The following UQCRB variants were observed in gnomAD, a reference collection of about 807,000 sequenced individuals.
UQCRB encodes the protein cytochrome b-c1 complex subunit 7.
UQCRB carries 12 observed loss-of-function variants against 19.8 expected under a neutral mutation model. The observed-to-expected ratio is 0.61, with a 90% CI of 0.39 to 0.98. The LOEUF is 0.98. Ranked by LOEUF, UQCRB falls within the 50% of genes least tolerant of loss-of-function variation. The pLI is 0.00. For synonymous variants in UQCRB, 39 were observed against 42.9 expected (o/e 0.91, Z 0.35); for missense variants, 142 against 131.8 (o/e 1.08, Z -0.38).
In UQCRB at chr8:96,228,357, A is replaced by G. The variant is rs1314927541; in HGVS notation, c.*2698T>C. On this transcript the variant is annotated 3_prime_UTR_variant, in exon 4 of 4. Transcript: ENST00000287022. ...CACCCATCCAAAACACAAAACAGGG[A>G]GATAGCCAAGTCTTAGCTCCATCCT... The G allele has an allele frequency of 2.2e-6, 1 of 454,006 alleles. No individual in the cohort carries two copies. The highest frequency in any genetic ancestry group is 4.4e-6 in the Non-Finnish European group (1 of 226,782). The allele number at this position is 454,006 out of a possible 1,614,324, so 28.1% of individuals were successfully genotyped here. A position where few individuals can be genotyped will look rare whatever the true frequency, so the allele number is the denominator to read the frequency against.
At chr8:96,235,268 T>C in intron 1 of UQCRB, 2 of 615,332 alleles carry the variant, frequency 3.3e-6, no homozygotes, top group East Asian at 2.8e-5. Flanking sequence ...ACTCCAGGGC[T>C]GTCAGAGCCA....
At position 96,227,431 on chromosome 8, in the gene UQCRB, C is replaced by A; in HGVS notation, c.*3624G>T. 1 of 454,118 alleles carries A rather than the reference C, an allele frequency of 2.2e-6. No homozygotes were observed. Among genetic ancestry groups the A allele is most frequent in the South Asian group, 1.6e-5 (1 of 64,480 alleles). The allele number at this position is 454,118 out of a possible 1,614,324, so 28.1% of individuals were successfully genotyped here. A position where few individuals can be genotyped will look rare whatever the true frequency, so the allele number is the denominator to read the frequency against. ...GCATCGCCACCTAGTGGCAGAATTTCATGCCTTGTTCTAATAAAGGGATTT... is the reference window on the plus strand; with the variant it reads ...GCATCGCCACCTAGTGGCAGAATTTAATGCCTTGTTCTAATAAAGGGATTT... On this transcript the variant is annotated 3_prime_UTR_variant, in exon 4 of 4. Coordinates refer to ENST00000287022, the MANE Select transcript of UQCRB (RefSeq NM_006294.5).
At position 96,230,719 on chromosome 8, in the gene UQCRB, T is replaced by C. The variant is rs1563537007; in HGVS notation, c.*336A>G. 2.0e-6 allele frequency: 1 copy of C among 492,410 alleles called. No individual in the cohort carries two copies. Among genetic ancestry groups the C allele is most frequent in the Admixed American group, 2.3e-5 (1 of 43,722 alleles). The allele number at this position is 492,410 out of a possible 1,614,324, so 30.5% of individuals were successfully genotyped here. A position where few individuals can be genotyped will look rare whatever the true frequency, so the allele number is the denominator to read the frequency against. On this transcript the variant is annotated 3_prime_UTR_variant, in exon 4 of 4. Coordinates refer to ENST00000287022, the MANE Select transcript of UQCRB (RefSeq NM_006294.5). ...ACTAGGGGGTGCATACCCCCTTCTT[T>C]TATTCAGTAGCTTCCATAAGGATGT...
In UQCRB at chr8:96,228,233, T is replaced by C. The variant is rs543284287; in HGVS notation, c.*2822A>G. On this transcript the variant is annotated 3_prime_UTR_variant, in exon 4 of 4. Transcript: ENST00000287022. ...TTCAAGATGTAGGAAAACTGTATAT[T>C]CAAAACCAATCTCAAACTTTAAACA... 1.8e-3 allele frequency: 801 copies of C among 454,082 alleles called. 2 individuals carry two copies. The highest frequency in any genetic ancestry group is 2.8e-3 in the Non-Finnish European group (642 of 226,768). The allele number at this position is 454,082 out of a possible 1,614,324, so 28.1% of individuals were successfully genotyped here. A position where few individuals can be genotyped will look rare whatever the true frequency, so the allele number is the denominator to read the frequency against.
rs2129781402 is a variant in UQCRB at position 96,227,941 on chromosome 8, A to G, written c.*3114T>C. The G allele has an allele frequency of 2.2e-6, 1 of 454,160 alleles. No homozygotes were observed. Among genetic ancestry groups the G allele is most frequent in the African/African-American group, 2.0e-5 (1 of 50,148 alleles). The allele number at this position is 454,160 out of a possible 1,614,324, so 28.1% of individuals were successfully genotyped here. A position where few individuals can be genotyped will look rare whatever the true frequency, so the allele number is the denominator to read the frequency against. ...TTTGGTACCACTCGTAGAGCGTCAC[A>G]TAAATATTCAGACCATGATAACTCA... On this transcript the variant is annotated 3_prime_UTR_variant, in exon 4 of 4. Coordinates refer to ENST00000287022, the MANE Select transcript of UQCRB (RefSeq NM_006294.5).
In UQCRB at chr8:96,223,792, C is replaced by G. The variant is rs1364818770; in HGVS notation, c.*7263G>C. Among the ~76,000 whole-genome samples the G allele has an allele frequency of 6.6e-6, 1 of 152,182 alleles. No homozygotes were observed. Among genetic ancestry groups the G allele is most frequent in the East Asian group, 1.9e-4 (1 of 5,190 alleles). ...GAGAACACAATGTTTTCAGAATGGA[C>G]AAACCTTCTGTTTTCTATCATATGG... On this transcript the variant is annotated 3_prime_UTR_variant, in exon 4 of 4. Transcript: ENST00000287022.
intron 3 of UQCRB, chr8:96,231,453 A>G: frequency 1.3e-6 from 2 of 1,535,698 alleles, no homozygotes; most frequent in South Asian, 2.4e-5. Context: ...CTGGAGGGAC[A>G]CTCAATGGGC....
rs1445833120 is a variant in UQCRB at position 96,229,284 on chromosome 8, T to A, written c.*1771A>T. On this transcript the variant is annotated 3_prime_UTR_variant, in exon 4 of 4. Coordinates refer to ENST00000287022, the MANE Select transcript of UQCRB (RefSeq NM_006294.5). ...CCTGGGGGTTCCTGTTATACCTCAG[T>A]CTTGGTCAGTTCTATTTGTTCCCCT... 2.2e-6 allele frequency: 1 copy of A among 453,974 alleles called. No homozygotes were observed. Among genetic ancestry groups the A allele is most frequent in the African/African-American group, 2.0e-5 (1 of 49,998 alleles). 28.1% of individuals were successfully genotyped at this position (453,974 alleles called of 1,614,324 possible).
rs1450781972 is a variant in UQCRB at position 96,227,089 on chromosome 8, A to G, written c.*3966T>C. 8.8e-6 allele frequency: 4 copies of G among 453,480 alleles called. No homozygotes were observed. The East Asian group carries it at 2.8e-4, about 31-fold the overall frequency. The allele number at this position is 453,480 out of a possible 1,614,324, so 28.1% of individuals were successfully genotyped here. A position where few individuals can be genotyped will look rare whatever the true frequency, so the allele number is the denominator to read the frequency against. On this transcript the variant is annotated 3_prime_UTR_variant, in exon 4 of 4. Coordinates refer to ENST00000287022, the MANE Select transcript of UQCRB (RefSeq NM_006294.5). ...AAACATTTAAAATATTTTAACATCT[A>G]TAGACTTTATTAGGTGTTCCTTATA...
Position 96,230,166 on chromosome 8 carries a change from C to T in UQCRB, c.*889G>A. ...TCTAGGCTCACTGCAACCTCCACCT[C>T]CTGGGGTCAAGCAATTCTCCTCCCT... On this transcript the variant is annotated 3_prime_UTR_variant, in exon 4 of 4. Transcript: ENST00000287022. 2.2e-6 allele frequency: 1 copy of T among 453,344 alleles called. No individual in the cohort carries two copies. Among genetic ancestry groups the T allele is most frequent in the East Asian group, 7.0e-5 (1 of 14,388 alleles). The allele number at this position is 453,344 out of a possible 1,614,324, so 28.1% of individuals were successfully genotyped here.
chr8:96,234,575 C>T, intron 1 of UQCRB: 1 of 1,181,112 alleles, frequency 8.5e-7, no homozygotes, highest in Non-Finnish European at 1.1e-6. Flanking sequence ...AAAGTCTCCC[C>T]CACCCCCAAA....
At position 96,229,613 on chromosome 8, in the gene UQCRB, T is replaced by C. The variant is rs550916154; in HGVS notation, c.*1442A>G. 8.6e-5 allele frequency: 39 copies of C among 454,024 alleles called. No homozygotes were observed. The highest frequency in any genetic ancestry group is 6.8e-4 in the Middle Eastern group (1 of 1,466). The allele number at this position is 454,024 out of a possible 1,614,324, so 28.1% of individuals were successfully genotyped here. On this transcript the variant is annotated 3_prime_UTR_variant, in exon 4 of 4. Coordinates refer to ENST00000287022, the MANE Select transcript of UQCRB (RefSeq NM_006294.5). ...AGGGGGTTCTAGACAGCCCATCTTCTTGGCCTCCTTCTGCAAAGTAGGACT... is the reference window on the plus strand; with the variant it reads ...AGGGGGTTCTAGACAGCCCATCTTCCTGGCCTCCTTCTGCAAAGTAGGACT...
At position 96,224,699 on chromosome 8, in the gene UQCRB, T is replaced by A. The variant is rs923483089; in HGVS notation, c.*6356A>T. Among the ~76,000 whole-genome samples, 8 of 152,214 alleles carry A rather than the reference T, an allele frequency of 5.3e-5. No homozygotes were observed. Among genetic ancestry groups the A allele is most frequent in the Non-Finnish European group, 1.2e-4 (8 of 68,028 alleles). The stretch of plus-strand genomic sequence containing the variant: ...ATCCAGTCAGGCCAACTGGACTTCT[T>A]AGTATCTCTCAAAAATATACTCTGC... On this transcript the variant is annotated 3_prime_UTR_variant, in exon 4 of 4. Transcript: ENST00000287022.
intron 1 of UQCRB, 66 bp downstream of exon 1, chr8:96,235,446 C>A (rs1809788212): frequency 1.9e-6 from 3 of 1,611,694 alleles, no homozygotes; most frequent in Non-Finnish European, 2.5e-6. Flanking sequence ...GAAAACGGAG[C>A]AAGCTGCAGC....
Position 96,226,663 on chromosome 8 carries a change from T to C in UQCRB, c.*4392A>G, listed in dbSNP as rs1563533140. On this transcript the variant is annotated 3_prime_UTR_variant, in exon 4 of 4. Transcript: ENST00000287022. ...AATATTTAGAATACTAACAGAACAA[T>C]TATTCAACTGGATAATGTTACCAGA... The C allele has an allele frequency of 3.2e-6, 1 of 316,526 alleles. No homozygotes were observed. The highest frequency in any genetic ancestry group is 1.1e-3 in the Middle Eastern group (1 of 908). The allele number at this position is 316,526 out of a possible 1,614,324, so 19.6% of individuals were successfully genotyped here. A position where few individuals can be genotyped will look rare whatever the true frequency, so the allele number is the denominator to read the frequency against.
Position 96,228,285 on chromosome 8 carries a change from G to C in UQCRB, c.*2770C>G. On this transcript the variant is annotated 3_prime_UTR_variant, in exon 4 of 4. Transcript: ENST00000287022. ...CAAAAGATATCAAACATTTTAAACT[G>C]TACAAAGCAAATTAGCAGGATTTGA... 1 of 454,094 alleles carries C rather than the reference G, an allele frequency of 2.2e-6. No homozygotes were observed. 28.1% of individuals were successfully genotyped at this position (454,094 alleles called of 1,614,324 possible). A position where few individuals can be genotyped will look rare whatever the true frequency, so the allele number is the denominator to read the frequency against.
Position 96,232,140 on chromosome 8 carries a change from A to T in UQCRB, c.92-200T>A, listed in dbSNP as rs1236018071. The T allele has an allele frequency of 5.0e-6, 3 of 602,102 alleles. No homozygotes were observed. In the African/African-American group the frequency reaches 5.6e-5, roughly 11 times the overall value. The allele number at this position is 602,102 out of a possible 1,614,324, so 37.3% of individuals were successfully genotyped here. On this transcript the variant is annotated intron_variant, in intron 2 of 3. Coordinates refer to ENST00000287022, the MANE Select transcript of UQCRB (RefSeq NM_006294.5). Reference sequence around the variant, plus strand: ...TAATTGCAGTTTTGCCATTAAAAGTAATGAGTTATTACTTGATATAATGGG... The same window carrying T: ...TAATTGCAGTTTTGCCATTAAAAGTTATGAGTTATTACTTGATATAATGGG...
At chr8:96,231,334 G>A (rs1215009358) in intron 3 of UQCRB, 4 of 1,548,594 alleles carry the variant, frequency 2.6e-6, no homozygotes, top group South Asian at 1.2e-5. Context: ...TAGGTTATGA[G>A]GGGGAAGTCT....
At position 96,227,664 on chromosome 8, in the gene UQCRB, C is replaced by T. The variant is rs780655118; in HGVS notation, c.*3391G>A. 1.1e-4 allele frequency: 48 copies of T among 453,960 alleles called. 1 individual carries two copies. The highest frequency in any genetic ancestry group is 7.3e-4 in the South Asian group (47 of 64,478). 28.1% of individuals were successfully genotyped at this position (453,960 alleles called of 1,614,324 possible). ...GTTTGGTTATTTTCAAAGCTACACA[C>T]AGGATGCCCATATTTTTAAAACTCC... is the stretch of plus-strand genomic sequence containing the variant. On this transcript the variant is annotated 3_prime_UTR_variant, in exon 4 of 4. Transcript: ENST00000287022.
Sources: gnomAD v4.1 joint callset for allele counts (sites outside exome capture counted in the v4.1 genomes callset) on GRCh38, gnomAD v4.1.1 for gene constraint, MANE v1.5 for transcripts, NCBI Gene and HGNC (gene_info 2026-07-23, HGNC 2026-07-21) for gene names.